Variants in RERGL observed in about 807,000 individuals in gnomAD.
RERGL encodes RERG like.
Under a neutral mutation model 24.7 loss-of-function variants are expected in RERGL, and 22 were observed. The observed-to-expected ratio is 0.89, with a 90% CI of 0.64 to 1.27. The LOEUF is 1.27. Among genes scored for constraint, RERGL ranks in the 50% most tolerant of loss-of-function variants. The probability of loss-of-function intolerance (pLI) is 0.00; values close to 1 mark genes in which losing one functional copy is unlikely to be tolerated. For missense variants in RERGL, 259 were observed against 235.3 expected (o/e 1.10, Z -0.66); for synonymous variants, 76 against 82.6 (o/e 0.92, Z 0.43).
At chr12:18,090,033 C>A in intron 1 of RERGL, 56 bp downstream of exon 1, 1 of 1,303,326 alleles carries the variant, frequency 7.7e-7, no homozygotes, top group East Asian at 2.6e-5. Context: ...GTTAACATGT[C>A]AATGTTTCTC....
chr12:18,084,208 G>A (rs890002526), intron 4 of RERGL, among the ~76,000 whole-genome samples: 1 of 152,154 alleles, frequency 6.6e-6, no homozygotes, highest in Admixed American at 6.5e-5. Flanking sequence ...AAAAGAAAAG[G>A]TTGGAAAGAT....
intron 2 of RERGL, among the ~76,000 whole-genome samples, chr12:18,086,926 T>G (rs878903144): frequency 1.3e-5 from 2 of 152,178 alleles, no homozygotes; most frequent in Admixed American, 1.3e-4. Context: ...AATTTTCCAT[T>G]TTGTTAAATG....
In RERGL at chr12:18,081,126, G is replaced by T; in HGVS notation, c.*65C>A. 3 of 1,447,980 alleles carry T rather than the reference G, an allele frequency of 2.1e-6. No individual in the cohort carries two copies. The highest frequency in any genetic ancestry group is 2.8e-6 in the Non-Finnish European group (3 of 1,075,090). 89.7% of individuals were successfully genotyped at this position (1,447,980 alleles called of 1,614,324 possible). ...AAAAAAAAATTGCATACAAAGGTTA[G>T]TTTAATTATCATGTGAATGTTTGAA... On this transcript the variant is annotated 3_prime_UTR_variant, in exon 5 of 5. Transcript: ENST00000538724.
intron 2 of RERGL, among the ~76,000 whole-genome samples, chr12:18,087,472 C>A (rs1947231301): frequency 6.6e-6 from 1 of 152,162 alleles, no homozygotes; most frequent in Non-Finnish European, 1.5e-5. Flanking sequence ...CAAAAACTGC[C>A]AGCAAGTGTC....
At chr12:18,081,623 G>T in intron 4 of RERGL, 150 bp from the exon 5 acceptor site, 1 of 636,790 alleles carries the variant, frequency 1.6e-6, no homozygotes, top group Non-Finnish European at 2.5e-6. Flanking sequence ...TGTGTATACA[G>T]TTACACATAG....
chr12:18,085,864 T>C (rs1354425024), intron 2 of RERGL, among the ~76,000 whole-genome samples, 171 bp from the exon 3 acceptor site: 1 of 104,724 alleles, frequency 9.5e-6, no homozygotes, highest in African/African-American at 3.8e-5. Flanking sequence ...TTTTTTTTTT[T>C]TTTTTGAGCC....
chr12:18,081,526 T>TAA lies in RERGL; in HGVS notation c.333-54_333-53insTT, dbSNP rs200679100. ...AAGATTGTTTTAACAACTCTTTTTT[T>TAA]TAAAAAAAAAAAAAAAACAGATTTA... On this transcript the variant is annotated intron_variant, in intron 4 of 4. Coordinates refer to ENST00000538724, the MANE Select transcript of RERGL (RefSeq NM_001286201.2). 3.2e-3 allele frequency: 3,244 copies of TAA among 999,650 alleles called. 3 individuals carry two copies. Among genetic ancestry groups the TAA allele is most frequent in the South Asian group, 5.7e-3 (245 of 42,828 alleles). 61.9% of individuals were successfully genotyped at this position (999,650 alleles called of 1,614,324 possible). A position where few individuals can be genotyped will look rare whatever the true frequency, so the allele number is the denominator to read the frequency against.
Position 18,090,096 on chromosome 12 carries a change from G to A in RERGL, c.45C>T (p.Gly15=). The A allele has an allele frequency of 6.5e-7, 1 of 1,532,252 alleles. No individual in the cohort carries two copies. Among genetic ancestry groups the A allele is most frequent in the Non-Finnish European group, 8.7e-7 (1 of 1,145,254 alleles). 94.9% of individuals were successfully genotyped at this position (1,532,252 alleles called of 1,614,324 possible). A position where few individuals can be genotyped will look rare whatever the true frequency, so the allele number is the denominator to read the frequency against. ...KLAVLGGEGT[G]KSALTVRFLT... is the part of the protein sequence containing the mutation. ...GAAGATGTCACCACTCACCAGATTT[G>A]CCTGTTCCTTCACCACCCAAGACAG... The change falls in exon 1 of 5, where the codon GGC becomes GGT. Residue 15 remains glycine (G), a synonymous_variant. Transcript: ENST00000538724.
chr12:18,085,493 A>G lies in RERGL; in HGVS notation c.183+127T>C. The G allele has an allele frequency of 4.8e-6, 3 of 631,356 alleles. No individual in the cohort carries two copies. In the South Asian group the frequency reaches 5.6e-5, roughly 12 times the overall value. The allele number at this position is 631,356 out of a possible 1,614,324, so 39.1% of individuals were successfully genotyped here. On this transcript the variant is annotated intron_variant, in intron 3 of 4. Coordinates refer to ENST00000538724, the MANE Select transcript of RERGL (RefSeq NM_001286201.2). The stretch of plus-strand genomic sequence containing the variant: ...TAAATTTTTGATAATTAAAATGAGA[A>G]GAAACTTCGGTTTTAACACCGCAAC...
chr12:18,088,010 A>G (rs1411114680), intron 2 of RERGL, among the ~76,000 whole-genome samples: 1 of 152,150 alleles, frequency 6.6e-6, no homozygotes, highest in Non-Finnish European at 1.5e-5. Flanking sequence ...GAGATACTCC[A>G]ATTATGCTAC....
In RERGL at chr12:18,084,566, T is replaced by C. The variant is rs751693088; in HGVS notation, c.283A>G (p.Lys95Glu). The change falls in exon 4 of 5, where the codon AAA becomes GAA. Residue 95 changes from lysine to glutamate, a missense_variant. Coordinates refer to ENST00000538724, the MANE Select transcript of RERGL (RefSeq NM_001286201.2). ...TCCCGGATTCTGTAGATCAGCGCTTTTGCAAAAGCAAATGAAGACCTATCA... is the reference window on the plus strand; with the variant it reads ...TCCCGGATTCTGTAGATCAGCGCTTCTGCAAAAGCAAATGAAGACCTATCA... The part of the protein sequence containing the change: ...ISDRSSFAFA[K>E]ALIYRIREPQ... 14 of 1,612,234 alleles carry C rather than the reference T, an allele frequency of 8.7e-6. No individual in the cohort carries two copies. Among genetic ancestry groups the C allele is most frequent in the Non-Finnish European group, 1.2e-5 (14 of 1,179,290 alleles).
intron 1 of RERGL, chr12:18,089,348 A>G: frequency 6.8e-7 from 1 of 1,470,006 alleles, no homozygotes; most frequent in Non-Finnish European, 9.0e-7. Flanking sequence ...TCACAAAGAC[A>G]CTACCAAGTA....
chr12:18,082,504 A>C (rs1246540805), intron 4 of RERGL, among the ~76,000 whole-genome samples: 1 of 152,198 alleles, frequency 6.6e-6, no homozygotes, highest in Non-Finnish European at 1.5e-5. Flanking sequence ...TAAAAATGGT[A>C]AAATAATCCT....
intron 1 of RERGL, chr12:18,089,259 A>G: frequency 6.2e-7 from 1 of 1,608,020 alleles, no homozygotes; most frequent in African/African-American, 1.3e-5. Context: ...TTCTCATTAT[A>G]TTTGAGATGC....
At chr12:18,084,265 G>C (rs1947198338) in intron 4 of RERGL, among the ~76,000 whole-genome samples, 1 of 152,178 alleles carries the variant, frequency 6.6e-6, no homozygotes, top group South Asian at 2.1e-4. Flanking sequence ...GGAGTGTCAT[G>C]TTAACAATAG....
In RERGL at chr12:18,081,035, A is replaced by G. The variant is rs1008617831; in HGVS notation, c.*156T>C. 19 of 659,520 alleles carry G rather than the reference A, an allele frequency of 2.9e-5. No homozygotes were observed. Among genetic ancestry groups the G allele is most frequent in the African/African-American group, 9.1e-5 (5 of 55,188 alleles). 40.9% of individuals were successfully genotyped at this position (659,520 alleles called of 1,614,324 possible). A position where few individuals can be genotyped will look rare whatever the true frequency, so the allele number is the denominator to read the frequency against. On this transcript the variant is annotated 3_prime_UTR_variant, in exon 5 of 5. Transcript: ENST00000538724. ...TACAACAACCAAAAAGGCAAACTAC[A>G]TATTTGAAAACACAGCTGTGGTTCA...
At chr12:18,088,840 G>A in intron 2 of RERGL, 60 bp downstream of exon 2, 1 of 1,026,614 alleles carries the variant, frequency 9.7e-7, no homozygotes, top group Non-Finnish European at 1.5e-6. Flanking sequence ...CTGTACTTAA[G>A]TGGGATTTAA....
At chr12:18,085,079 C>T (rs1410087729) in intron 3 of RERGL, among the ~76,000 whole-genome samples, 1 of 152,032 alleles carries the variant, frequency 6.6e-6, no homozygotes, top group Non-Finnish European at 1.5e-5. Context: ...AAGGGTTTAG[C>T]TAAAATATTT....
At chr12:18,082,548 A>G (rs757446992) in intron 4 of RERGL, among the ~76,000 whole-genome samples, 2 of 152,198 alleles carry the variant, frequency 1.3e-5, no homozygotes, top group Non-Finnish European at 2.9e-5. Context: ...GTTAAAGCTC[A>G]TGGAGATTGT....
Sources: gnomAD v4.1 joint callset for allele counts (sites outside exome capture counted in the v4.1 genomes callset) on GRCh38, gnomAD v4.1.1 for gene constraint, MANE v1.5 for transcripts, NCBI Gene and HGNC (gene_info 2026-07-23, HGNC 2026-07-21) for gene names.